SLC25A48: variants seen among roughly 807,000 people sequenced by gnomAD.
SLC25A48 encodes solute carrier family 25 member 48, also known as CTC-321K16.1.
A neutral mutation model predicts 32.2 loss-of-function variants in SLC25A48; 29 were observed. The observed-to-expected ratio is 0.90, with a 90% CI of 0.67 to 1.23. The LOEUF is 1.23. Among genes scored for constraint, SLC25A48 ranks in the 50% most tolerant of loss-of-function variants. The pLI, the probability that SLC25A48 is intolerant of heterozygous loss-of-function variation, is 0.00. For missense variants in SLC25A48, 399 were observed against 422.7 expected, an observed-to-expected ratio of 0.94 and a Z score of 0.49; for synonymous variants, 164 against 172.3, an observed-to-expected ratio of 0.95 and a Z score of 0.38.
intron 3 of SLC25A48, among the ~76,000 whole-genome samples, chr5:135,706,538 C>T (rs188989404): frequency 4.0e-4 from 61 of 152,254 alleles, no homozygotes; most frequent in African/African-American, 1.3e-3. Context: ...CCATCATCAG[C>T]GCGTTGCCAT....
At chr5:135,716,984 G>A (rs996387211) in intron 3 of SLC25A48, among the ~76,000 whole-genome samples, 4 of 152,146 alleles carry the variant, frequency 2.6e-5, no homozygotes, top group African/African-American at 9.7e-5. Context: ...ATGGGCCTTG[G>A]GAGGGCATAA....
At chr5:135,665,332 T>C (rs962252997) in intron 3 of SLC25A48, among the ~76,000 whole-genome samples, 2 of 152,250 alleles carry the variant, frequency 1.3e-5, no homozygotes, top group African/African-American at 2.4e-5. Context: ...TAGTCCTTTG[T>C]TGGATGCGTA....
At chr5:135,777,561 A>G (rs11955687) in intron 3 of SLC25A48, among the ~76,000 whole-genome samples, 45,615 of 150,968 alleles carry the variant, frequency 0.3, 6,979 homozygotes, top group East Asian at 0.46. Flanking sequence ...TAATATTTAG[A>G]AAAAAGGAGG....
intron 3 of SLC25A48, among the ~76,000 whole-genome samples, chr5:135,684,777 C>A (rs181282761): frequency 1.3e-5 from 2 of 152,304 alleles, no homozygotes; most frequent in East Asian, 3.9e-4. Flanking sequence ...TTCCTTATTC[C>A]GTTTCTAATG....
At chr5:135,769,234 C>T (rs1275555590) in intron 3 of SLC25A48, among the ~76,000 whole-genome samples, 3 of 116,670 alleles carry the variant, frequency 2.6e-5, no homozygotes, top group African/African-American at 9.7e-5. Context: ...GGGTATGCAG[C>T]CCTCTGTAAT....
chr5:135,632,276 A>G (rs555717102), intron 2 of SLC25A48, among the ~76,000 whole-genome samples: 1 of 152,332 alleles, frequency 6.6e-6, no homozygotes, highest in African/African-American at 2.4e-5. Flanking sequence ...TTGCTGTCTT[A>G]GAAGACTGAC....
intron 6 of SLC25A48, among the ~76,000 whole-genome samples, chr5:135,876,909 G>A (rs1446400676): frequency 1.3e-5 from 2 of 152,180 alleles, no homozygotes; most frequent in African/African-American, 2.4e-5. Flanking sequence ...GCTGAATGGA[G>A]CACCCCTCCC....
intron 1 of SLC25A48, among the ~76,000 whole-genome samples, chr5:135,839,082 T>C (rs1289688386): frequency 6.6e-6 from 1 of 152,236 alleles, no homozygotes; most frequent in East Asian, 1.9e-4. Context: ...TATAAAATTA[T>C]TTTTTAAAAA....
At chr5:135,864,045 G>A (rs967770845) in intron 4 of SLC25A48, among the ~76,000 whole-genome samples, 1 of 152,172 alleles carries the variant, frequency 6.6e-6, no homozygotes, top group Admixed American at 6.5e-5. Context: ...TCAGAGTGGG[G>A]CCAGGATTTG....
chr5:135,873,895 T>C, intron 5 of SLC25A48, 126 bp from the exon 6 acceptor site: 1 of 1,109,304 alleles, frequency 9.0e-7, no homozygotes, highest in Non-Finnish European at 1.2e-6. Flanking sequence ...CTTTGCAGGT[T>C]CTAAGCCTGA....
chr5:135,719,548 G>A (rs1044046530), intron 3 of SLC25A48, among the ~76,000 whole-genome samples: 19 of 152,168 alleles, frequency 1.2e-4, no homozygotes, highest in African/African-American at 4.6e-4. Context: ...GGGAGGGAAG[G>A]CACCCTCATG....
intron 3 of SLC25A48, among the ~76,000 whole-genome samples, chr5:135,771,320 G>A (rs1199008923): frequency 6.6e-6 from 1 of 151,624 alleles, no homozygotes; most frequent in Non-Finnish European, 1.5e-5. Flanking sequence ...TCCATATCGC[G>A]GAGGGTGTAC....
Position 135,763,764 on chromosome 5 carries a change from T to TACACACACACAC in SLC25A48, c.-520-48744_-520-48733dup, listed in dbSNP as rs56030521. Among the ~76,000 whole-genome samples the TACACACACACAC allele has an allele frequency of 4.5e-3, 562 of 125,726 alleles. 6 individuals carry two copies. Among genetic ancestry groups the TACACACACACAC allele is most frequent in the African/African-American group, 0.014 (523 of 36,830 alleles). The allele number at this position is 125,726 out of a possible 152,430, so 82.5% of individuals were successfully genotyped here. On this transcript the variant is annotated intron_variant, in intron 3 of 10. Coordinates refer to the SLC25A48 transcript ENST00000646290. ...AACCGGAGAAATAGGAACACACACA[T>TACACACACACAC]ACACACACACACACACACACACACA... is the stretch of plus-strand genomic sequence containing the variant.
chr5:135,760,575 G>C (rs1193724542), intron 3 of SLC25A48, among the ~76,000 whole-genome samples: 4 of 152,164 alleles, frequency 2.6e-5, no homozygotes, highest in African/African-American at 9.7e-5. Flanking sequence ...GAAGTGTCTG[G>C]GACCTTGCTC....
At chr5:135,779,218 T>G (rs13186806) in intron 3 of SLC25A48, among the ~76,000 whole-genome samples, 45,944 of 151,596 alleles carry the variant, frequency 0.3, 7,117 homozygotes, top group East Asian at 0.46. Context: ...GCATGGGGTG[T>G]GCACACCCCT....
At chr5:135,631,012 T>C (rs1007463655) in intron 2 of SLC25A48, among the ~76,000 whole-genome samples, 1 of 152,220 alleles carries the variant, frequency 6.6e-6, no homozygotes, top group Non-Finnish European at 1.5e-5. Flanking sequence ...TTGGACCAGA[T>C]AGAAGACATG....
At chr5:135,679,281 G>T (rs1753838991) in intron 3 of SLC25A48, among the ~76,000 whole-genome samples, 1 of 152,154 alleles carries the variant, frequency 6.6e-6, no homozygotes, top group Admixed American at 6.5e-5. Context: ...CCCAGTAGGA[G>T]GCTTACAACA....
At chr5:135,610,666 T>C (rs779900442) in intron 1 of SLC25A48, among the ~76,000 whole-genome samples, 2 of 152,196 alleles carry the variant, frequency 1.3e-5, no homozygotes, top group African/African-American at 4.8e-5. Flanking sequence ...CTTTCTGTTG[T>C]TGAACTTCCA....
chr5:135,607,267 G>A (rs1580718961), intron 1 of SLC25A48, among the ~76,000 whole-genome samples: 1 of 152,186 alleles, frequency 6.6e-6, no homozygotes, highest in East Asian at 1.9e-4. Flanking sequence ...GGACATCAAA[G>A]GTTGAATTTA....
Sources: allele counts gnomAD v4.1 joint callset (sites outside exome capture counted in the v4.1 genomes callset), GRCh38; gene constraint gnomAD v4.1.1; transcripts MANE v1.5; gene names NCBI Gene and HGNC (gene_info 2026-07-23, HGNC 2026-07-21).